The following PPP1R1A variants were observed in gnomAD, a reference collection of about 807,000 sequenced individuals.
The protein encoded by PPP1R1A is protein phosphatase 1 regulatory subunit 1A.
Under a neutral mutation model 23.9 loss-of-function variants are expected in PPP1R1A, and 18 were observed. That is an observed-to-expected ratio of 0.75 (90% CI 0.52 to 1.12). The LOEUF is 1.12. Ranked by LOEUF, PPP1R1A falls within the 50% of genes most tolerant of loss-of-function variation. The pLI, the probability that PPP1R1A is intolerant of heterozygous loss-of-function variation, is 0.00. For synonymous variants in PPP1R1A, 84 were observed against 80.7 expected (o/e 1.04, Z -0.22); for missense variants, 207 against 223.8 (o/e 0.92, Z 0.48).
Position 54,580,452 on chromosome 12 carries a change from C to T in PPP1R1A, c.511-60G>A, listed in dbSNP as rs1957843986. The T allele has an allele frequency of 3.9e-6, 6 of 1,520,522 alleles. No individual in the cohort carries two copies. In the Admixed American group the frequency reaches 5.1e-5, roughly 13 times the overall value. The allele number at this position is 1,520,522 out of a possible 1,614,324, so 94.2% of individuals were successfully genotyped here. A position where few individuals can be genotyped will look rare whatever the true frequency, so the allele number is the denominator to read the frequency against. ...GAGAGGCCAGAGGGTCATTTTGTCC[C>T]TTCCCCTTCTGGCCATCCCATTTGT... On this transcript the variant is annotated intron_variant, in intron 6 of 6. Coordinates refer to ENST00000257905, the MANE Select transcript of PPP1R1A (RefSeq NM_006741.4).
chr12:54,584,716 C>G (rs41291987), intron 1 of PPP1R1A, among the ~76,000 whole-genome samples: 1 of 152,004 alleles, frequency 6.6e-6, no homozygotes, highest in African/African-American at 2.4e-5. Flanking sequence ...CATGTACCCC[C>G]CTGAATCTAA....
chr12:54,580,257 A>T lies in PPP1R1A; in HGVS notation c.*130T>A. On this transcript the variant is annotated 3_prime_UTR_variant, in exon 7 of 7. Coordinates refer to ENST00000257905, the MANE Select transcript of PPP1R1A (RefSeq NM_006741.4). The stretch of plus-strand genomic sequence containing the variant: ...CAGTTGGAAAAGAAGGAAAGTGCCA[A>T]GGACCTAACACCAAATTTATCACTT... 3.3e-6 allele frequency: 5 copies of T among 1,495,938 alleles called. No individual in the cohort carries two copies. The highest frequency in any genetic ancestry group is 4.5e-6 in the Non-Finnish European group (5 of 1,119,184). 92.7% of individuals were successfully genotyped at this position (1,495,938 alleles called of 1,614,324 possible). A position where few individuals can be genotyped will look rare whatever the true frequency, so the allele number is the denominator to read the frequency against.
chr12:54,587,938 C>T (rs1957926365), intron 1 of PPP1R1A, among the ~76,000 whole-genome samples: 1 of 152,088 alleles, frequency 6.6e-6, no homozygotes, highest in Non-Finnish European at 1.5e-5. Context: ...AGAGCTGTTT[C>T]TCCTCTTCCA....
chr12:54,580,990 T>C lies in PPP1R1A; in HGVS notation c.464A>G (p.Glu155Gly). The C allele has an allele frequency of 1.9e-6, 3 of 1,613,972 alleles. No individual in the cohort carries two copies. Among genetic ancestry groups the C allele is most frequent in the Non-Finnish European group, 2.5e-6 (3 of 1,179,862 alleles). ...CAGTGGTGGTATATGGGTTGAGGGT[T>C]CTTTTGTGCTGGGTTCCTTACTGCC... ...ERGSKEPSTK[E>G]PSTHIPPLDS... Residue 155 changes from glutamate (E) to glycine (G), a missense_variant, in exon 6 of 7, where the codon GAA becomes GGA. By Grantham distance (98) the Glu-to-Gly change is moderately conservative (BLOSUM62 -2). Coordinates refer to ENST00000257905, the MANE Select transcript of PPP1R1A (RefSeq NM_006741.4).
intron 1 of PPP1R1A, among the ~76,000 whole-genome samples, chr12:54,585,258 A>G (rs1352656613): frequency 1.3e-5 from 2 of 152,178 alleles, no homozygotes; most frequent in African/African-American, 4.8e-5. Context: ...ATATCAATAC[A>G]AGGAGGAGCC....
At chr12:54,582,464 T>C (rs1451273646) in intron 4 of PPP1R1A, among the ~76,000 whole-genome samples, 1 of 152,174 alleles carries the variant, frequency 6.6e-6, no homozygotes, top group Non-Finnish European at 1.5e-5. Flanking sequence ...TTTGAGTATC[T>C]TGTACATGTT....
At chr12:54,580,665 A>G (rs1957846132) in intron 6 of PPP1R1A, among the ~76,000 whole-genome samples, 1 of 152,144 alleles carries the variant, frequency 6.6e-6, no homozygotes, top group South Asian at 2.1e-4. Flanking sequence ...CGGGTTCCAA[A>G]TCCCCTTTAT....
intron 2 of PPP1R1A, 68 bp from the exon 3 acceptor site, chr12:54,583,316 C>A: frequency 1.5e-6 from 2 of 1,350,564 alleles, no homozygotes; most frequent in East Asian, 5.6e-5. Context: ...GAGCTGACTT[C>A]TCAGGGGAGG....
chr12:54,584,436 T>C, intron 1 of PPP1R1A, 116 bp from the exon 2 acceptor site: 1 of 1,001,894 alleles, frequency 1.0e-6, no homozygotes. Context: ...CCTCAAAAAA[T>C]GCCATGTTAA....
Position 54,581,946 on chromosome 12 carries a change from T to C in PPP1R1A, c.403+30A>G, listed in dbSNP as rs2121203388. On this transcript the variant is annotated intron_variant, in intron 5 of 6. Coordinates refer to ENST00000257905, the MANE Select transcript of PPP1R1A (RefSeq NM_006741.4). This position sits in a 1 kb window ranked among gnomAD's most constrained non-coding sequence, Gnocchi z 4.1. ...CCTCCTGCTGGGCTGGGAAATAGGATGCCTGGGGCCCTCCCCAGCCTGAAC... is the reference window on the plus strand; with the variant it reads ...CCTCCTGCTGGGCTGGGAAATAGGACGCCTGGGGCCCTCCCCAGCCTGAAC... 1 of 1,586,112 alleles carries C rather than the reference T, an allele frequency of 6.3e-7. No homozygotes were observed. Among genetic ancestry groups the C allele is most frequent in the East Asian group, 2.3e-5 (1 of 44,252 alleles).
intron 1 of PPP1R1A, among the ~76,000 whole-genome samples, chr12:54,585,891 T>C (rs950293445): frequency 1.3e-5 from 2 of 152,096 alleles, no homozygotes; most frequent in African/African-American, 4.8e-5. Flanking sequence ...CATTGCAAGG[T>C]CCCCGCAGTA....
chr12:54,587,760 T>G (rs1957924476), intron 1 of PPP1R1A, among the ~76,000 whole-genome samples: 2 of 152,032 alleles, frequency 1.3e-5, no homozygotes, highest in Admixed American at 6.5e-5. Flanking sequence ...GGGCAGGAGT[T>G]GGGAATAAGG....
At position 54,588,570 on chromosome 12, in the gene PPP1R1A, C is replaced by T. The variant is rs1957936012; in HGVS notation, c.-82G>A. ...CGGGGCTGGGGCGGGCGCGCTCCCT[C>T]TCCGCTCCGCTCCGGCCCCGGCCCC... On this transcript the variant is annotated 5_prime_UTR_variant, in exon 1 of 7. Coordinates refer to ENST00000257905, the MANE Select transcript of PPP1R1A (RefSeq NM_006741.4). The T allele has an allele frequency of 2.7e-6, 2 of 750,538 alleles. No homozygotes were observed. The highest frequency in any genetic ancestry group is 3.6e-6 in the Non-Finnish European group (2 of 558,110). The allele number at this position is 750,538 out of a possible 1,614,324, so 46.5% of individuals were successfully genotyped here.
chr12:54,587,090 G>T (rs1957918032), intron 1 of PPP1R1A, among the ~76,000 whole-genome samples: 1 of 152,132 alleles, frequency 6.6e-6, no homozygotes, highest in African/African-American at 2.4e-5. Flanking sequence ...GCTCTGAGGT[G>T]GTGGCTCACC....
intron 3 of PPP1R1A, among the ~76,000 whole-genome samples, 200 bp from the exon 4 acceptor site, chr12:54,582,995 A>G (rs1418514443): frequency 6.6e-6 from 1 of 151,974 alleles, no homozygotes; most frequent in Non-Finnish European, 1.5e-5. Flanking sequence ...CCACCTCGAC[A>G]ATGGTGAGCA....
At chr12:54,582,701 G>A (rs752079087) in intron 4 of PPP1R1A, 31 bp downstream of exon 4, 20 of 1,607,220 alleles carry the variant, frequency 1.2e-5, no homozygotes, top group Non-Finnish European at 1.7e-5. Context: ...AGGCACAGAG[G>A]AGAAAAAGGG....
chr12:54,583,279 A>C lies in PPP1R1A; in HGVS notation c.146-31T>G, dbSNP rs371840647. 3.1e-4 allele frequency: 454 copies of C among 1,473,646 alleles called. 1 individual carries two copies. Among genetic ancestry groups the C allele is most frequent in the Non-Finnish European group, 3.6e-4 (403 of 1,113,002 alleles). The allele number at this position is 1,473,646 out of a possible 1,614,324, so 91.3% of individuals were successfully genotyped here. ...GGGAACAGGGAAAGGAGAGGGTGATAAGGACAGGAAACCAGGGATCCCCAT... is the reference window on the plus strand; with the variant it reads ...GGGAACAGGGAAAGGAGAGGGTGATCAGGACAGGAAACCAGGGATCCCCAT... On this transcript the variant is annotated intron_variant, in intron 2 of 6. Transcript: ENST00000257905.
At chr12:54,585,010 T>G (rs960065938) in intron 1 of PPP1R1A, among the ~76,000 whole-genome samples, 3 of 151,944 alleles carry the variant, frequency 2.0e-5, no homozygotes, top group Non-Finnish European at 4.4e-5. Flanking sequence ...CAGGGCTTTC[T>G]CTCAGTGTTC....
chr12:54,588,591 GC>G lies in PPP1R1A; in HGVS notation c.-104del. ...CCCTCTCCGCTCCGCTCCGGCCCCG[GC>G]CCCAGCCCGGCGCGCTCGGCTCCCG... is the stretch of plus-strand genomic sequence containing the variant. On this transcript the variant is annotated 5_prime_UTR_variant, in exon 1 of 7. Coordinates refer to ENST00000257905, the MANE Select transcript of PPP1R1A (RefSeq NM_006741.4). 3 of 598,268 alleles carry G rather than the reference GC, an allele frequency of 5.0e-6. No individual in the cohort carries two copies. The highest frequency in any genetic ancestry group is 5.1e-5 in the Admixed American group (1 of 19,736). 37.1% of individuals were successfully genotyped at this position (598,268 alleles called of 1,614,324 possible). A position where few individuals can be genotyped will look rare whatever the true frequency, so the allele number is the denominator to read the frequency against.
Sources: gnomAD v4.1 joint callset for allele counts (sites outside exome capture counted in the v4.1 genomes callset) on GRCh38, gnomAD v4.1.1 for gene constraint, Gnocchi (gnomAD v3.1) non-coding constraint, MANE v1.5 for transcripts, NCBI Gene and HGNC (gene_info 2026-07-23, HGNC 2026-07-21) for gene names.